MYO6: variants seen among roughly 807,000 people sequenced by gnomAD.
The protein encoded by MYO6 is myosin VI.
Under a neutral mutation model 178.7 loss-of-function variants are expected in MYO6, and 74 were observed. The observed-to-expected ratio is 0.41, with a 90% CI of 0.34 to 0.50. The LOEUF is 0.50. MYO6 is among the 20% of genes least tolerant of loss of function. The pLI is 0.09. For missense variants in MYO6, 1,330 were observed against 1,547.4 expected, an observed-to-expected ratio of 0.86 and a Z score of 2.36; for synonymous variants, 477 against 504.6, an observed-to-expected ratio of 0.95 and a Z score of 0.73.
intron 7 of MYO6, among the ~76,000 whole-genome samples, chr6:75,837,390 C>T (rs1169755589): frequency 6.6e-6 from 1 of 152,142 alleles, no homozygotes; most frequent in Admixed American, 6.5e-5. Flanking sequence ...TTAACACTCT[C>T]TTGGCATTTT....
chr6:75,865,575 G>C (rs1776595830), intron 16 of MYO6, among the ~76,000 whole-genome samples: 1 of 151,542 alleles, frequency 6.6e-6, no homozygotes, highest in South Asian at 2.1e-4. Context: ...ATGTTGCTCA[G>C]GCTGGTCTCA....
rs2748959 is a variant in MYO6, at chr6:75,776,867, T to A, written c.-48+27444T>A. Reference sequence around the variant, plus strand: ...TTTTTTAACATGAAAGATCTTGTACTCCATAAAATGTTTTACAATTCTATT... The same window carrying A: ...TTTTTTAACATGAAAGATCTTGTACACCATAAAATGTTTTACAATTCTATT... On this transcript the variant is annotated intron_variant, in intron 1 of 34. Coordinates refer to ENST00000369977, the MANE Select transcript of MYO6 (RefSeq NM_004999.4). Among the ~76,000 whole-genome samples the A allele has an allele frequency of 2.6e-5, 4 of 152,126 alleles. No individual in the cohort carries two copies. The East Asian group carries it at 7.7e-4, about 29-fold the overall frequency.
chr6:75,813,603 A>G (rs952543959), intron 1 of MYO6, among the ~76,000 whole-genome samples: 1 of 152,146 alleles, frequency 6.6e-6, no homozygotes, highest in Non-Finnish European at 1.5e-5. Context: ...ATTCAGAGGC[A>G]GTCTCTCCCC....
At chr6:75,823,771 G>A (rs986994923) in intron 3 of MYO6, among the ~76,000 whole-genome samples, 19 of 152,188 alleles carry the variant, frequency 1.2e-4, no homozygotes, top group Non-Finnish European at 1.6e-4. Context: ...GTTGTTAGGA[G>A]GCTGTCTGCT....
chr6:75,782,437 A>C (rs1324366335), intron 1 of MYO6, among the ~76,000 whole-genome samples: 1 of 152,050 alleles, frequency 6.6e-6, no homozygotes, highest in Non-Finnish European at 1.5e-5. Flanking sequence ...GCAGGACAGC[A>C]TGAAAGTATT....
chr6:75,779,283 C>T (rs918702270), intron 1 of MYO6, among the ~76,000 whole-genome samples: 1 of 152,014 alleles, frequency 6.6e-6, no homozygotes, highest in Non-Finnish European at 1.5e-5. Context: ...GGTCAGATTA[C>T]CTGAGGTCAG....
Position 75,823,290 on chromosome 6 carries a change from A to G in MYO6, c.187+439A>G, listed in dbSNP as rs548493695. On this transcript the variant is annotated intron_variant, in intron 3 of 34. Transcript: ENST00000369977. ...AATTCTATATAATTACTAATTGAAA[A>G]ATTAATTTCAGAACAATTATATTAA... Among the ~76,000 whole-genome samples, 3 of 152,242 alleles carry G rather than the reference A, an allele frequency of 2.0e-5. No individual in the cohort carries two copies. In the East Asian group the frequency reaches 5.8e-4, roughly 29 times the overall value.
intron 22 of MYO6, 68 bp downstream of exon 22, chr6:75,880,188 T>G: frequency 9.1e-7 from 1 of 1,098,036 alleles, no homozygotes. Context: ...AGTGAATATC[T>G]TAAAGTATTT....
chr6:75,888,657 C>T (rs1225091207), intron 25 of MYO6, among the ~76,000 whole-genome samples: 1 of 151,838 alleles, frequency 6.6e-6, no homozygotes, highest in African/African-American at 2.4e-5. Context: ...AATACCTCCA[C>T]ATTAACAAAT....
At chr6:75,786,593 A>G (rs2150069379) in intron 1 of MYO6, among the ~76,000 whole-genome samples, 1 of 152,232 alleles carries the variant, frequency 6.6e-6, no homozygotes, top group South Asian at 2.1e-4. Context: ...TAGTATTCCT[A>G]TATATTTTTT....
chr6:75,912,915 C>T (rs1169597186), intron 33 of MYO6, among the ~76,000 whole-genome samples: 2 of 152,066 alleles, frequency 1.3e-5, no homozygotes, highest in African/African-American at 2.4e-5. Flanking sequence ...TTTGCTTTCT[C>T]TGGTTTGCAA....
chr6:75,821,749 T>C (rs144907975), intron 2 of MYO6, among the ~76,000 whole-genome samples: 1 of 152,314 alleles, frequency 6.6e-6, no homozygotes, highest in East Asian at 1.9e-4. Context: ...GTAATTGTCA[T>C]TGTTTGAGAA....
rs1478860256 is a variant in MYO6 at position 75,861,031 on chromosome 6, A to G, written c.1482A>G (p.Glu494=). ...GATTATTTCATTTTTAGGAACAAGA[A>G]CTCTATCAAAAAGAAGGTTTAGGTG... ...FNERILKEEQ[E]LYQKEGLGVN... Residue 494 remains glutamate, a synonymous_variant, in exon 15 of 35, where the codon GAA becomes GAG. Coordinates refer to ENST00000369977, the MANE Select transcript of MYO6 (RefSeq NM_004999.4). The G allele has an allele frequency of 6.3e-7, 1 of 1,596,608 alleles. No homozygotes were observed. The highest frequency in any genetic ancestry group is 8.6e-7 in the Non-Finnish European group (1 of 1,164,540).
rs376056994 is a variant in MYO6 at position 75,862,816 on chromosome 6, TA to T, written c.1674+98del. The T allele has an allele frequency of 7.9e-3, 11,477 of 1,452,464 alleles. 81 individuals carry two copies. Among genetic ancestry groups the T allele is most frequent in the South Asian group, 0.018 (1,536 of 86,720 alleles). The allele number at this position is 1,452,464 out of a possible 1,614,324, so 90.0% of individuals were successfully genotyped here. ...ATTAGATATTACTAGATAATTAGAA[TA>T]AAAATTATGGCGTGTATAGAGCAAC... On this transcript the variant is annotated intron_variant, in intron 16 of 34. Coordinates refer to ENST00000369977, the MANE Select transcript of MYO6 (RefSeq NM_004999.4).
intron 1 of MYO6, among the ~76,000 whole-genome samples, chr6:75,778,513 C>T (rs959408685): frequency 6.6e-6 from 1 of 151,996 alleles, no homozygotes; most frequent in East Asian, 1.9e-4. Flanking sequence ...GGGAGAATGG[C>T]TTGAACCCGG....
intron 30 of MYO6, among the ~76,000 whole-genome samples, chr6:75,898,809 G>A (rs1314261249): frequency 2.6e-5 from 4 of 152,162 alleles, no homozygotes; most frequent in African/African-American, 9.7e-5. Flanking sequence ...TTGAAGAGGA[G>A]GTAGAGGAAG....
chr6:75,826,753 T>C (rs1403853268), intron 3 of MYO6, among the ~76,000 whole-genome samples: 1 of 152,186 alleles, frequency 6.6e-6, no homozygotes, highest in Non-Finnish European at 1.5e-5. Flanking sequence ...TAGGAGCCTC[T>C]ACCCACTTCT....
At chr6:75,761,267 T>C (rs1208464109) in intron 1 of MYO6, among the ~76,000 whole-genome samples, 1 of 152,148 alleles carries the variant, frequency 6.6e-6, no homozygotes, top group Admixed American at 6.5e-5. Flanking sequence ...TGTATTCAAA[T>C]GGCTAATTGA....
intron 1 of MYO6, among the ~76,000 whole-genome samples, chr6:75,758,681 C>G (rs1009678835): frequency 6.6e-6 from 1 of 152,048 alleles, no homozygotes; most frequent in Non-Finnish European, 1.5e-5. Flanking sequence ...GATGGTCTTG[C>G]TCTCCTGACC....
Sources: allele counts gnomAD v4.1 joint callset (sites outside exome capture counted in the v4.1 genomes callset), GRCh38; gene constraint gnomAD v4.1.1; transcripts MANE v1.5; gene names NCBI Gene and HGNC (gene_info 2026-07-23, HGNC 2026-07-21).